Variants in NEGR1 observed in about 807,000 individuals in gnomAD.
NEGR1 encodes neuronal growth regulator 1.
NEGR1 carries 10 observed loss-of-function variants against 40.9 expected under a neutral mutation model. That is an observed-to-expected ratio of 0.24 (90% CI 0.15 to 0.42). The LOEUF (loss-of-function observed/expected upper bound fraction) is 0.42. Among genes scored for constraint, NEGR1 ranks in the 10% least tolerant of loss-of-function variants. NEGR1 has a pLI of 1.00. For synonymous variants in NEGR1, 185 were observed against 166.8 expected (o/e 1.11, Z -0.84); for missense variants, 352 against 438.9 (o/e 0.80, Z 1.77).
At chr1:72,078,643 T>A (rs1202875677) in intron 1 of NEGR1, among the ~76,000 whole-genome samples, 6 of 145,786 alleles carry the variant, frequency 4.1e-5, no homozygotes, top group African/African-American at 1.5e-4. Flanking sequence ...ATATATTTAT[T>A]TATTTTTTTT....
intron 2 of NEGR1, among the ~76,000 whole-genome samples, chr1:71,834,557 A>G (rs1175967117): frequency 2.0e-5 from 3 of 148,670 alleles, no homozygotes; most frequent in Non-Finnish European, 3.0e-5. Context: ...CATTGGCTCC[A>G]CTGGATATTA....
intron 4 of NEGR1, among the ~76,000 whole-genome samples, chr1:71,649,003 GA>G: frequency 6.6e-6 from 1 of 152,078 alleles, no homozygotes; most frequent in Admixed American, 6.6e-5. Context: ...CTTCTCAGTT[GA>G]AATTGATTAT....
intron 1 of NEGR1, among the ~76,000 whole-genome samples, chr1:72,124,280 C>T (rs1408415734): frequency 6.6e-6 from 1 of 151,986 alleles, no homozygotes. Flanking sequence ...GCCTTCTATG[C>T]TAACTTCAGA....
At chr1:72,098,487 A>T (rs576724284) in intron 1 of NEGR1, among the ~76,000 whole-genome samples, 45 of 152,202 alleles carry the variant, frequency 3.0e-4, no homozygotes, top group African/African-American at 1.1e-3. Context: ...GATAAAACAC[A>T]TTGCTTATCA....
At chr1:71,532,269 T>C (rs1373146370) in intron 6 of NEGR1, among the ~76,000 whole-genome samples, 1 of 151,548 alleles carries the variant, frequency 6.6e-6, no homozygotes, top group Admixed American at 6.6e-5. Context: ...AAAACAACTT[T>C]TAAAAACACA....
At chr1:71,808,777 A>T (rs1657874801) in intron 2 of NEGR1, among the ~76,000 whole-genome samples, 1 of 152,098 alleles carries the variant, frequency 6.6e-6, no homozygotes, top group African/African-American at 2.4e-5. Context: ...TTTTTTTCAC[A>T]GTGGTAGACA....
intron 3 of NEGR1, among the ~76,000 whole-genome samples, chr1:71,767,103 A>C (rs562683562): frequency 6.6e-6 from 1 of 152,160 alleles, no homozygotes; most frequent in South Asian, 2.1e-4. Flanking sequence ...ATTGGTACTG[A>C]GGAGTAGGGC....
chr1:72,110,354 T>C (rs1164937879), intron 1 of NEGR1, among the ~76,000 whole-genome samples: 2 of 151,538 alleles, frequency 1.3e-5, no homozygotes, highest in East Asian at 1.9e-4. Flanking sequence ...CTTTTAATTA[T>C]AGATGTATAG....
chr1:72,063,858 C>T (rs1328232378), intron 1 of NEGR1, among the ~76,000 whole-genome samples: 2 of 144,848 alleles, frequency 1.4e-5, no homozygotes, highest in African/African-American at 4.9e-5. Context: ...TGTGCTTCCT[C>T]TAAGACTTAA....
chr1:71,825,672 A>G (rs970370234), intron 2 of NEGR1, among the ~76,000 whole-genome samples: 3 of 151,918 alleles, frequency 2.0e-5, no homozygotes, highest in Non-Finnish European at 2.9e-5. Context: ...TAATCTATAA[A>G]TTGAGAGGAA....
intron 1 of NEGR1, among the ~76,000 whole-genome samples, chr1:72,070,792 C>T (rs1277267421): frequency 6.6e-6 from 1 of 151,860 alleles, no homozygotes; most frequent in Non-Finnish European, 1.5e-5. Flanking sequence ...CTATATTAAA[C>T]AAAAGTCTAG....
At chr1:71,799,557 C>T (rs1657478160) in intron 2 of NEGR1, among the ~76,000 whole-genome samples, 1 of 152,048 alleles carries the variant, frequency 6.6e-6, no homozygotes, top group Non-Finnish European at 1.5e-5. Context: ...TGGGTATATA[C>T]CCAGTAATGG....
rs1646259420 is a variant in NEGR1, at chr1:71,403,637, A to T, written c.*3809T>A. 1 of 294,824 alleles carries T rather than the reference A, an allele frequency of 3.4e-6. No individual in the cohort carries two copies. The highest frequency in any genetic ancestry group is 5.2e-5 in the Admixed American group (1 of 19,250). The allele number at this position is 294,824 out of a possible 1,614,324, so 18.3% of individuals were successfully genotyped here. Reference sequence around the variant, plus strand: ...TAGAGTAAGCAGAAAGATGAGTGTAATACAGGAAATAAAGAGAATAGCAGA... The same window carrying T: ...TAGAGTAAGCAGAAAGATGAGTGTATTACAGGAAATAAAGAGAATAGCAGA... On this transcript the variant is annotated 3_prime_UTR_variant, in exon 7 of 7. Transcript: ENST00000357731.
At chr1:71,756,955 T>C (rs1655766525) in intron 3 of NEGR1, among the ~76,000 whole-genome samples, 1 of 152,134 alleles carries the variant, frequency 6.6e-6, no homozygotes, top group African/African-American at 2.4e-5. Context: ...CTCAAGACTT[T>C]AGAATGGCTT....
At chr1:71,915,361 T>G (rs2101877102) in intron 2 of NEGR1, among the ~76,000 whole-genome samples, 1 of 152,258 alleles carries the variant, frequency 6.6e-6, no homozygotes, top group Non-Finnish European at 1.5e-5. Context: ...TATAACAAAG[T>G]TGTTTGACAC....
chr1:71,568,940 C>T lies in NEGR1; in HGVS notation c.940+23877G>A, dbSNP rs1269765968. Among the ~76,000 whole-genome samples the T allele has an allele frequency of 2.2e-4, 31 of 142,832 alleles. 1 individual carries two copies. The highest frequency in any genetic ancestry group is 4.2e-4 in the East Asian group (2 of 4,770). The allele number at this position is 142,832 out of a possible 152,430, so 93.7% of individuals were successfully genotyped here. A position where few individuals can be genotyped will look rare whatever the true frequency, so the allele number is the denominator to read the frequency against. On this transcript the variant is annotated intron_variant, in intron 6 of 6. Transcript: ENST00000357731. ...GTAATTTTTTTTTTTTTTTTGGAGA[C>T]GGAGTCTCGCTTCATCGCCAGGCAG...
At chr1:71,750,996 C>T (rs1570296204) in intron 3 of NEGR1, among the ~76,000 whole-genome samples, 1 of 151,842 alleles carries the variant, frequency 6.6e-6, no homozygotes, top group Non-Finnish European at 1.5e-5. Flanking sequence ...TGCAAAATAC[C>T]TTAGTGATGA....
chr1:72,203,251 TA>T (rs1334377560), intron 1 of NEGR1, among the ~76,000 whole-genome samples: 1 of 152,106 alleles, frequency 6.6e-6, no homozygotes, highest in Non-Finnish European at 1.5e-5. Context: ...CAGCTGTAAT[TA>T]AGGACATTTG....
At chr1:71,704,900 T>C (rs1393755320) in intron 3 of NEGR1, among the ~76,000 whole-genome samples, 3 of 151,804 alleles carry the variant, frequency 2.0e-5, no homozygotes, top group African/African-American at 7.3e-5. Context: ...TATATTAATA[T>C]GATAATACAC....
Sources: gnomAD v4.1 joint callset for allele counts (sites outside exome capture counted in the v4.1 genomes callset) on GRCh38, gnomAD v4.1.1 for gene constraint, MANE v1.5 for transcripts, NCBI Gene and HGNC (gene_info 2026-07-23, HGNC 2026-07-21) for gene names.